Variants in SUDS3 observed in about 807,000 individuals in gnomAD.
The protein encoded by SUDS3 is SIN3A corepressor complex component SDS3, also known as sin3 histone deacetylase corepressor complex component SDS3.
A neutral mutation model predicts 53.5 loss-of-function variants in SUDS3; 23 were observed. The ratio of observed to expected loss-of-function variants is 0.43; its 90% CI spans 0.31 to 0.61. SUDS3 has a LOEUF of 0.61. Ranked by LOEUF, SUDS3 falls within the 20% of genes least tolerant of loss-of-function variation. The pLI is 0.10. For missense variants in SUDS3, 291 were observed against 405.9 expected (o/e 0.72, Z 2.43); for synonymous variants, 150 against 148.5 (o/e 1.01, Z -0.08).
chr12:118,405,442 A>G (rs1225343433), intron 10 of SUDS3, among the ~76,000 whole-genome samples: 1 of 152,208 alleles, frequency 6.6e-6, no homozygotes, highest in African/African-American at 2.4e-5. Context: ...GGTGTTTCCT[A>G]ATGTAAACAA....
At chr12:118,410,580 T>TTTATTTTA (rs1491473858) in intron 10 of SUDS3, among the ~76,000 whole-genome samples, 26 of 133,612 alleles carry the variant, frequency 1.9e-4, no homozygotes, top group African/African-American at 7.5e-4. Context: ...TATTTATTTA[T>TTTATTTTA]TTTATTTATT....
chr12:118,405,845 G>A (rs1354504317), intron 10 of SUDS3, among the ~76,000 whole-genome samples: 1 of 152,192 alleles, frequency 6.6e-6, no homozygotes, highest in Non-Finnish European at 1.5e-5. Context: ...TTCTTTGGCA[G>A]ACGTGGCCTG....
Position 118,400,653 on chromosome 12 carries a change from C to G in SUDS3, c.518-6C>G. ...GATAGATTTACCCATTCCATTCTTG[C>G]CACAGATTCTATGGAGGTGAAACCT... On this transcript the variant is annotated splice_polypyrimidine_tract_variant and splice_region_variant and intron_variant, in intron 6 of 11. Transcript: ENST00000543473. 1 of 1,613,690 alleles carries G rather than the reference C, an allele frequency of 6.2e-7. No homozygotes were observed. Among genetic ancestry groups the G allele is most frequent in the Non-Finnish European group, 8.5e-7 (1 of 1,179,664 alleles).
rs2046255410 is a variant in SUDS3, at chr12:118,400,614, T to G, written c.518-45T>G. 6 of 1,575,054 alleles carry G rather than the reference T, an allele frequency of 3.8e-6. No homozygotes were observed. In the East Asian group the frequency reaches 1.3e-4, roughly 35 times the overall value. ...TATACTATAGAAATTCTTACTGACT[T>G]CAAGTGGGAGTTGGATAGATTTACC... On this transcript the variant is annotated intron_variant, in intron 6 of 11. Transcript: ENST00000543473.
intron 5 of SUDS3, among the ~76,000 whole-genome samples, chr12:118,390,458 G>T (rs1043072056): frequency 1.3e-5 from 2 of 152,190 alleles, no homozygotes; most frequent in Non-Finnish European, 2.9e-5. Context: ...GCTAGCATGT[G>T]TGTGGGGGTT....
rs940528031 is a variant in SUDS3 at position 118,406,261 on chromosome 12, A to C, written c.803+2744A>C. Reference sequence around the variant, plus strand: ...CTGTGAGTCAGAAACGAAGCCACCCACTTGCTCAAGAGCATTTTCCCCTTC... The same window carrying C: ...CTGTGAGTCAGAAACGAAGCCACCCCCTTGCTCAAGAGCATTTTCCCCTTC... On this transcript the variant is annotated intron_variant, in intron 10 of 11. Coordinates refer to ENST00000543473, the MANE Select transcript of SUDS3 (RefSeq NM_022491.3). Among the ~76,000 whole-genome samples the C allele has an allele frequency of 4.6e-5, 7 of 152,202 alleles. No homozygotes were observed. The South Asian group carries it at 1.4e-3, about 32-fold the overall frequency.
intron 1 of SUDS3, among the ~76,000 whole-genome samples, chr12:118,378,670 TTTTG>T (rs1593747476): frequency 6.6e-6 from 1 of 151,580 alleles, no homozygotes; most frequent in East Asian, 1.9e-4. Context: ...TTATTTGTTG[TTTTG>T]TTTATTTTAT....
chr12:118,399,172 T>A (rs1186388404), intron 6 of SUDS3, among the ~76,000 whole-genome samples: 1 of 152,102 alleles, frequency 6.6e-6, no homozygotes, highest in Non-Finnish European at 1.5e-5. Flanking sequence ...GAGGCCTGGC[T>A]TATATCCTGT....
At chr12:118,385,315 G>T (rs559203475) in intron 3 of SUDS3, among the ~76,000 whole-genome samples, 1 of 152,068 alleles carries the variant, frequency 6.6e-6, no homozygotes, top group African/African-American at 2.4e-5. Context: ...CACCACATTG[G>T]CCAGGCTGGT....
intron 11 of SUDS3, among the ~76,000 whole-genome samples, chr12:118,412,872 A>G (rs1345891842): frequency 2.0e-5 from 3 of 152,202 alleles, no homozygotes; most frequent in Admixed American, 1.3e-4. Context: ...GCTTCAGTGC[A>G]CTGAAGACAT....
chr12:118,406,893 G>T, intron 10 of SUDS3, among the ~76,000 whole-genome samples: 2 of 136,268 alleles, frequency 1.5e-5, no homozygotes, highest in African/African-American at 2.8e-5. Context: ...CCCCCCATAT[G>T]AACACTTCAT....
chr12:118,377,119 C>T (rs557737170), intron 1 of SUDS3, among the ~76,000 whole-genome samples: 9 of 152,230 alleles, frequency 5.9e-5, no homozygotes, highest in African/African-American at 2.2e-4. Context: ...CTGATTGAAC[C>T]TCACTCACTA....
In SUDS3 at chr12:118,394,066, C is replaced by G. The variant is rs1306826823; in HGVS notation, c.517+2784C>G. On this transcript the variant is annotated intron_variant, in intron 6 of 11. Coordinates refer to ENST00000543473, the MANE Select transcript of SUDS3 (RefSeq NM_022491.3). Reference sequence around the variant, plus strand: ...GTCATTACAATGTCAAAATAGAAGTCTGTTTCCCAAGCACTTACACTGAGC... The same window carrying G: ...GTCATTACAATGTCAAAATAGAAGTGTGTTTCCCAAGCACTTACACTGAGC... Among the ~76,000 whole-genome samples, 6 of 152,282 alleles carry G rather than the reference C, an allele frequency of 3.9e-5. No homozygotes were observed. The East Asian group carries it at 1.2e-3, about 29-fold the overall frequency.
chr12:118,411,956 G>T (rs1450555999), intron 11 of SUDS3, among the ~76,000 whole-genome samples: 2 of 152,210 alleles, frequency 1.3e-5, no homozygotes, highest in Admixed American at 6.5e-5. Context: ...ACAGGGTCTA[G>T]CACCCAGTAA....
chr12:118,385,138 C>T (rs1250319538), intron 3 of SUDS3, among the ~76,000 whole-genome samples: 2 of 150,554 alleles, frequency 1.3e-5, no homozygotes, highest in African/African-American at 4.9e-5. Flanking sequence ...AGGCTGAGTT[C>T]CGCTTTTGTC....
intron 10 of SUDS3, among the ~76,000 whole-genome samples, chr12:118,407,581 A>C (rs917933938): frequency 1.3e-5 from 2 of 152,192 alleles, no homozygotes; most frequent in Non-Finnish European, 2.9e-5. Context: ...TTTGGGTTCT[A>C]AGTACCACTG....
At chr12:118,393,672 A>T (rs550135277) in intron 6 of SUDS3, among the ~76,000 whole-genome samples, 32 of 146,320 alleles carry the variant, frequency 2.2e-4, no homozygotes, top group African/African-American at 2.8e-4. Flanking sequence ...TTTTTTTTTT[A>T]AATTTAATTT....
At chr12:118,379,885 C>T (rs991801390) in intron 1 of SUDS3, among the ~76,000 whole-genome samples, 5 of 152,288 alleles carry the variant, frequency 3.3e-5, no homozygotes, top group Admixed American at 2.0e-4. Context: ...GGCTGTCCCT[C>T]GGTATCTATG....
chr12:118,380,388 G>T (rs572519735), intron 2 of SUDS3, among the ~76,000 whole-genome samples, 157 bp downstream of exon 2: 2 of 152,210 alleles, frequency 1.3e-5, no homozygotes, highest in Non-Finnish European at 2.9e-5. Flanking sequence ...CACTATTTCA[G>T]ATTTCAGATT....
Sources: gnomAD v4.1 joint callset for allele counts (sites outside exome capture counted in the v4.1 genomes callset) on GRCh38, gnomAD v4.1.1 for gene constraint, MANE v1.5 for transcripts, NCBI Gene and HGNC (gene_info 2026-07-23, HGNC 2026-07-21) for gene names.